The following THRB variants were observed in gnomAD, a reference collection of about 807,000 sequenced individuals.
THRB encodes the protein thyroid hormone receptor beta, also known as nuclear receptor subfamily 1 group A member 2.
THRB carries 12 observed loss-of-function variants against 47.8 expected under a neutral mutation model. That is an observed-to-expected ratio of 0.25 (90% CI 0.16 to 0.41). The LOEUF (loss-of-function observed/expected upper bound fraction) is 0.41, where lower values mean the gene tolerates loss of function less well. Ranked by LOEUF, THRB falls within the 10% of genes least tolerant of loss-of-function variation. The pLI is 1.00. For missense variants in THRB, 348 were observed against 589.2 expected, an observed-to-expected ratio of 0.59 and a Z score of 4.24; for synonymous variants, 218 against 212.2, an observed-to-expected ratio of 1.03 and a Z score of -0.24.
chr3:24,475,686 G>A (rs576702025), intron 1 of THRB, among the ~76,000 whole-genome samples: 1 of 152,216 alleles, frequency 6.6e-6, no homozygotes, highest in South Asian at 2.1e-4. Flanking sequence ...GCCTAGGCGA[G>A]AACACCAGGT....
At chr3:24,136,879 C>T (rs898429311) in intron 8 of THRB, among the ~76,000 whole-genome samples, 2 of 152,246 alleles carry the variant, frequency 1.3e-5, no homozygotes, top group Admixed American at 6.5e-5. Context: ...TTACATTTTC[C>T]CATTTCACTG....
intron 1 of THRB, among the ~76,000 whole-genome samples, chr3:24,412,422 T>C (rs1423175547): frequency 6.6e-6 from 1 of 151,820 alleles, no homozygotes; most frequent in African/African-American, 2.4e-5. Flanking sequence ...AAGAGATGGA[T>C]TACTCAATAA....
chr3:24,146,524 T>C lies in THRB; in HGVS notation c.532+151A>G, dbSNP rs922933792. 22 of 796,904 alleles carry C rather than the reference T, an allele frequency of 2.8e-5. No homozygotes were observed. The Admixed American group carries it at 3.5e-4, about 13-fold the overall frequency. The allele number at this position is 796,904 out of a possible 1,614,324, so 49.4% of individuals were successfully genotyped here. On this transcript the variant is annotated intron_variant, in intron 7 of 10. Transcript: ENST00000646209. ...ACCTCCCTTTCAGGGCAAGCCTGGATGTGGGGAGTGAGGGGTGTATGCGAA... is the reference window on the plus strand; with the variant it reads ...ACCTCCCTTTCAGGGCAAGCCTGGACGTGGGGAGTGAGGGGTGTATGCGAA...
At chr3:24,263,157 T>A (rs1231763057) in intron 3 of THRB, among the ~76,000 whole-genome samples, 1 of 152,206 alleles carries the variant, frequency 6.6e-6, no homozygotes, top group Non-Finnish European at 1.5e-5. Context: ...TTAAAATATT[T>A]TGCTACTTTT....
intron 2 of THRB, among the ~76,000 whole-genome samples, chr3:24,334,287 C>G (rs1460035288): frequency 6.6e-6 from 1 of 152,136 alleles, no homozygotes; most frequent in Non-Finnish European, 1.5e-5. Context: ...GAAGGCCTTT[C>G]AACCTCAGTC....
chr3:24,173,526 ATCTGAC>A (rs1182877883), intron 5 of THRB, among the ~76,000 whole-genome samples: 3 of 152,186 alleles, frequency 2.0e-5, no homozygotes, highest in Non-Finnish European at 4.4e-5. Context: ...GAGCAGTGAT[ATCTGAC>A]ATTTTTGGGT....
chr3:24,273,061 C>T (rs1040589173), intron 3 of THRB, among the ~76,000 whole-genome samples: 4 of 151,964 alleles, frequency 2.6e-5, no homozygotes, highest in East Asian at 3.9e-4. Context: ...TGGAAGAATC[C>T]GTGTGAAGCA....
upstream of THRB, chr3:24,495,082 G>T (rs954510845): frequency 1.3e-5 from 2 of 152,370 alleles, no homozygotes; most frequent in East Asian, 3.9e-4. Flanking sequence ...GCCTCTCCGG[G>T]TCCCCCGCGT....
intron 2 of THRB, among the ~76,000 whole-genome samples, chr3:24,314,830 T>C (rs2058006411): frequency 1.3e-5 from 2 of 152,202 alleles, no homozygotes; most frequent in South Asian, 4.1e-4. Context: ...TCTCAAAGGA[T>C]GGCACTAGGA....
intron 5 of THRB, among the ~76,000 whole-genome samples, chr3:24,169,163 T>C (rs1365265122): frequency 6.6e-6 from 1 of 152,214 alleles, no homozygotes; most frequent in East Asian, 1.9e-4. Context: ...GTTGGGCTCA[T>C]GGCCCCTGAG....
At chr3:24,463,321 T>A (rs1233077716) in intron 1 of THRB, among the ~76,000 whole-genome samples, 1 of 152,238 alleles carries the variant, frequency 6.6e-6, no homozygotes, top group Non-Finnish European at 1.5e-5. Context: ...AATGCAGTGG[T>A]GTGATCATAG....
chr3:24,273,137 C>T (rs771376610), intron 3 of THRB, among the ~76,000 whole-genome samples: 2 of 152,140 alleles, frequency 1.3e-5, no homozygotes, highest in Non-Finnish European at 1.5e-5. Context: ...TAAACACACA[C>T]ACACACACAC....
chr3:24,299,550 G>T (rs1310290238), intron 2 of THRB, among the ~76,000 whole-genome samples: 4 of 151,948 alleles, frequency 2.6e-5, no homozygotes, highest in African/African-American at 7.2e-5. Flanking sequence ...AAAAGATCAA[G>T]AACTCTATCT....
intron 2 of THRB, among the ~76,000 whole-genome samples, chr3:24,334,596 G>A (rs1171504774): frequency 2.0e-5 from 3 of 152,196 alleles, no homozygotes; most frequent in Admixed American, 6.5e-5. Context: ...ATATGGTCTT[G>A]GATGGAGAGC....
At position 24,284,669 on chromosome 3, in the gene THRB, T is replaced by C. The variant is rs1186612931; in HGVS notation, c.-43+12557A>G. ...AACCTACAGAATGGGAGAAAATTTT[T>C]GCAACCTACTCATCTGACAAAGGGC... On this transcript the variant is annotated intron_variant, in intron 3 of 10. Transcript: ENST00000646209. 4.7e-5 allele frequency among the ~76,000 whole-genome samples: 7 copies of C among 149,398 alleles called. 1 individual carries two copies. In the East Asian group the frequency reaches 5.8e-4, roughly 12 times the overall value.
Position 24,258,446 on chromosome 3 carries a change from A to G in THRB, c.-42-29445T>C, listed in dbSNP as rs2051558182. 1.3e-5 allele frequency among the ~76,000 whole-genome samples: 2 copies of G among 152,154 alleles called. 1 individual carries two copies. Among genetic ancestry groups the G allele is most frequent in the South Asian group, 4.1e-4 (2 of 4,830 alleles). ...CAACCCACAGTCCAGTCCTGCGCCA[A>G]GCTGCCTGCAACTCCAGTTCTCATG... On this transcript the variant is annotated intron_variant, in intron 3 of 10. Coordinates refer to ENST00000646209, the MANE Select transcript of THRB (RefSeq NM_001354712.2).
rs139120880 is a variant in THRB, at chr3:24,356,301, C to T, written c.-260-18930G>A. On this transcript the variant is annotated intron_variant, in intron 1 of 10. Coordinates refer to ENST00000646209, the MANE Select transcript of THRB (RefSeq NM_001354712.2). The stretch of plus-strand genomic sequence containing the variant: ...GTGGTCCTGAACCGCCTCAAAGGTT[C>T]CACCGGACAGTCCTAGACCCAAGAC... 2.6e-5 allele frequency among the ~76,000 whole-genome samples: 4 copies of T among 152,226 alleles called. No homozygotes were observed. The East Asian group carries it at 5.8e-4, about 22-fold the overall frequency.
At position 24,337,815 on chromosome 3, in the gene THRB, C is replaced by T. The variant is rs149489889; in HGVS notation, c.-260-444G>A. Among the ~76,000 whole-genome samples the T allele has an allele frequency of 5.6e-3, 850 of 152,166 alleles. 9 individuals carry two copies. The highest frequency in any genetic ancestry group is 0.025 in the South Asian group (122 of 4,802). On this transcript the variant is annotated intron_variant, in intron 1 of 10. Transcript: ENST00000646209. ...CATATAAGAGCTGCAATTGAGCTGT[C>T]GGGTGGGGCACTGCCATATGAACCT...
At chr3:24,195,671 G>C (rs1345615782) in intron 4 of THRB, among the ~76,000 whole-genome samples, 1 of 152,162 alleles carries the variant, frequency 6.6e-6, no homozygotes, top group Non-Finnish European at 1.5e-5. Context: ...GCCCCACTGA[G>C]CCTCCCTCTG....
Sources: gnomAD v4.1 joint callset for allele counts (sites outside exome capture counted in the v4.1 genomes callset) on GRCh38, gnomAD v4.1.1 for gene constraint, MANE v1.5 for transcripts, NCBI Gene and HGNC (gene_info 2026-07-23, HGNC 2026-07-21) for gene names.